CSMD1: variants seen among roughly 807,000 people sequenced by gnomAD.
CSMD1 encodes CUB and sushi domain-containing protein 1.
Under a neutral mutation model 417.5 loss-of-function variants are expected in CSMD1, and 213 were observed. That is an observed-to-expected ratio of 0.51 (90% CI 0.46 to 0.57). CSMD1 has a LOEUF of 0.57. CSMD1 is among the 20% of genes least tolerant of loss of function. The pLI is 0.00. For synonymous variants in CSMD1, 2,862 were observed against 1,736.8 expected (o/e 1.65, Z -16.11); for missense variants, 6,923 against 4,529.7 (o/e 1.53, Z -15.17).
At chr8:4,956,129 C>T (rs1473080238) in intron 1 of CSMD1, among the ~76,000 whole-genome samples, 2 of 152,108 alleles carry the variant, frequency 1.3e-5, no homozygotes, top group Non-Finnish European at 2.9e-5. Context: ...TACTTTCTCG[C>T]TCATAATGGA....
intron 1 of CSMD1, among the ~76,000 whole-genome samples, chr8:4,876,042 A>G (rs999948426): frequency 1.5e-4 from 23 of 152,218 alleles, no homozygotes; most frequent in African/African-American, 5.5e-4. Context: ...GAAAAAACCT[A>G]TCAATTCAAT....
chr8:4,802,696 G>C (rs549962566), intron 1 of CSMD1, among the ~76,000 whole-genome samples: 4 of 151,992 alleles, frequency 2.6e-5, no homozygotes, highest in Non-Finnish European at 4.4e-5. Context: ...GAAAGGCTTT[G>C]TTTTCTTGTT....
chr8:3,439,970 G>A (rs1814866448), intron 12 of CSMD1, among the ~76,000 whole-genome samples: 1 of 152,128 alleles, frequency 6.6e-6, no homozygotes, highest in Non-Finnish European at 1.5e-5. Context: ...GGCATCTTCT[G>A]TGGGTTTATT....
chr8:3,971,990 T>C (rs948947808), intron 5 of CSMD1, among the ~76,000 whole-genome samples: 7 of 152,066 alleles, frequency 4.6e-5, no homozygotes, highest in African/African-American at 1.7e-4. Flanking sequence ...CACTGCAGCC[T>C]TGACCTCCCA....
At chr8:3,117,995 A>G (rs7838112) in intron 42 of CSMD1, among the ~76,000 whole-genome samples, 20,059 of 152,162 alleles carry the variant, frequency 0.13, 2,257 homozygotes, top group African/African-American at 0.31. Flanking sequence ...GCTAAACAAA[A>G]AGAAACACCA....
chr8:3,165,254 A>G (rs190564106), intron 37 of CSMD1, among the ~76,000 whole-genome samples: 1 of 152,140 alleles, frequency 6.6e-6, no homozygotes, highest in Admixed American at 6.5e-5. Context: ...TATTATTTAA[A>G]CCTGCTACTA....
At chr8:3,992,480 C>A (rs1455558260) in intron 5 of CSMD1, among the ~76,000 whole-genome samples, 1 of 152,096 alleles carries the variant, frequency 6.6e-6, no homozygotes, top group East Asian at 1.9e-4. Flanking sequence ...TTACTGAATC[C>A]AAATTTAAGA....
chr8:3,589,279 T>A (rs1167025243), intron 8 of CSMD1, among the ~76,000 whole-genome samples: 1 of 152,106 alleles, frequency 6.6e-6, no homozygotes, highest in Non-Finnish European at 1.5e-5. Flanking sequence ...TGAAGAGATA[T>A]CTGCACTCTC....
chr8:3,977,322 A>G (rs1373291567), intron 5 of CSMD1, among the ~76,000 whole-genome samples: 1 of 152,114 alleles, frequency 6.6e-6, no homozygotes, highest in Non-Finnish European at 1.5e-5. Flanking sequence ...TTCCTTTCCC[A>G]ATGTCCTGCC....
intron 5 of CSMD1, among the ~76,000 whole-genome samples, chr8:3,994,744 G>A (rs1051888137): frequency 3.3e-5 from 5 of 152,138 alleles, no homozygotes; most frequent in East Asian, 3.9e-4. Flanking sequence ...TATTTAGACT[G>A]CCTCCACTGC....
At chr8:4,111,543 G>C (rs1801855134) in intron 3 of CSMD1, among the ~76,000 whole-genome samples, 1 of 152,080 alleles carries the variant, frequency 6.6e-6, no homozygotes, top group Non-Finnish European at 1.5e-5. Context: ...TGATAGACTG[G>C]ATAAAGAAAA....
chr8:4,759,536 G>C (rs1028063505), intron 1 of CSMD1, among the ~76,000 whole-genome samples: 11 of 151,920 alleles, frequency 7.2e-5, no homozygotes, highest in Admixed American at 2.6e-4. Flanking sequence ...CATGCACTAG[G>C]ATTTTTTTCC....
At chr8:3,724,328 C>T (rs1024671877) in intron 6 of CSMD1, among the ~76,000 whole-genome samples, 1 of 151,978 alleles carries the variant, frequency 6.6e-6, no homozygotes, top group South Asian at 2.1e-4. Flanking sequence ...AGGTATATCT[C>T]CCAATGCTAT....
At chr8:3,386,520 G>C (rs926726483) in intron 18 of CSMD1, among the ~76,000 whole-genome samples, 5 of 152,208 alleles carry the variant, frequency 3.3e-5, no homozygotes, top group Admixed American at 6.5e-5. Context: ...CAAAGATTTT[G>C]AGTGATCTGC....
intron 5 of CSMD1, among the ~76,000 whole-genome samples, chr8:3,924,597 T>A (rs1454512529): frequency 1.3e-5 from 2 of 152,196 alleles, no homozygotes; most frequent in Admixed American, 1.3e-4. Context: ...TTAAATGATC[T>A]GTCTTATATT....
chr8:4,385,191 G>A (rs1803366954), intron 3 of CSMD1, among the ~76,000 whole-genome samples: 1 of 152,144 alleles, frequency 6.6e-6, no homozygotes. Flanking sequence ...GCGTCTTAAA[G>A]TGATGTGATT....
At chr8:4,528,870 C>G (rs13249645) in intron 2 of CSMD1, among the ~76,000 whole-genome samples, 2 of 151,716 alleles carry the variant, frequency 1.3e-5, no homozygotes, top group Non-Finnish European at 2.9e-5. Context: ...AGGTATAGTA[C>G]TAAAAATGTC....
intron 2 of CSMD1, among the ~76,000 whole-genome samples, chr8:4,501,484 T>C (rs563178333): frequency 6.6e-6 from 1 of 152,326 alleles, no homozygotes; most frequent in East Asian, 1.9e-4. Flanking sequence ...ATAAACTCTC[T>C]TAAATGTTTC....
chr8:3,143,373 A>G (rs557046380), intron 40 of CSMD1, among the ~76,000 whole-genome samples: 3 of 152,340 alleles, frequency 2.0e-5, no homozygotes, highest in Admixed American at 2.0e-4. Context: ...CATAACTCTC[A>G]CAATTAAATC....
Sources: gnomAD v4.1 joint callset for allele counts (sites outside exome capture counted in the v4.1 genomes callset) on GRCh38, gnomAD v4.1.1 for gene constraint, MANE v1.5 for transcripts, NCBI Gene and HGNC (gene_info 2026-07-23, HGNC 2026-07-21) for gene names.